The following SEC23A variants were observed in gnomAD, a reference collection of about 807,000 sequenced individuals.
SEC23A encodes SEC23 homolog A, COPII component.
In SEC23A, 56 loss-of-function variants were observed where a neutral mutation model predicts 103.7. That is an observed-to-expected ratio of 0.54 (90% CI 0.44 to 0.67). The LOEUF (loss-of-function observed/expected upper bound fraction) is 0.67, where lower values mean the gene tolerates loss of function less well. SEC23A is among the 30% of genes least tolerant of loss of function. The pLI is 0.00. For missense variants in SEC23A, 784 were observed against 936.4 expected, an observed-to-expected ratio of 0.84 and a Z score of 2.12; for synonymous variants, 281 against 293.0, an observed-to-expected ratio of 0.96 and a Z score of 0.42.
intron 9 of SEC23A, among the ~76,000 whole-genome samples, chr14:39,069,674 G>C (rs550293640): frequency 1.3e-5 from 2 of 151,930 alleles, no homozygotes; most frequent in African/African-American, 2.4e-5. Context: ...TGCCCAGACT[G>C]GTCTCAAACT....
intron 9 of SEC23A, among the ~76,000 whole-genome samples, chr14:39,070,528 A>G (rs1253935448): frequency 1.3e-5 from 2 of 152,222 alleles, no homozygotes; most frequent in African/African-American, 4.8e-5. Flanking sequence ...TGACCAAGTG[A>G]GATTCATCCC....
At chr14:39,042,973 T>C (rs1466351099) in intron 16 of SEC23A, 101 bp from the exon 17 acceptor site, 1 of 752,488 alleles carries the variant, frequency 1.3e-6, no homozygotes, top group Non-Finnish European at 2.2e-6. Flanking sequence ...TTTCTTTTAT[T>C]TATTTATTTA....
At chr14:39,094,318 G>A (rs1238303784) in intron 2 of SEC23A, among the ~76,000 whole-genome samples, 37 of 15,888 alleles carry the variant, frequency 2.3e-3, no homozygotes, top group Middle Eastern at 0.033. Context: ...ACATATATAT[G>A]CATATATACA....
chr14:39,033,231 T>A lies in SEC23A; in HGVS notation c.*8A>T, dbSNP rs371911904. ...ATCTTCTTAAGTGTCTTTAACATTA[T>A]TAGCACTTCAAGCAGCACTGGACAC... is the stretch of plus-strand genomic sequence containing the variant. On this transcript the variant is annotated 3_prime_UTR_variant, in exon 20 of 20. Transcript: ENST00000307712. 1 of 1,584,380 alleles carries A rather than the reference T, an allele frequency of 6.3e-7. No individual in the cohort carries two copies. The highest frequency in any genetic ancestry group is 1.3e-5 in the African/African-American group (1 of 74,302).
At chr14:39,086,089 C>G (rs1000796900) in intron 6 of SEC23A, among the ~76,000 whole-genome samples, 183 bp from the exon 7 acceptor site, 1 of 152,074 alleles carries the variant, frequency 6.6e-6, no homozygotes, top group Non-Finnish European at 1.5e-5. Context: ...ATTGCTAGGT[C>G]CCAGTTCTAG....
chr14:39,057,594 T>C (rs1339284921), intron 13 of SEC23A, among the ~76,000 whole-genome samples: 3 of 152,206 alleles, frequency 2.0e-5, no homozygotes, highest in Non-Finnish European at 4.4e-5. Flanking sequence ...CTCCAACTCC[T>C]GGACTCAAGT....
intron 19 of SEC23A, among the ~76,000 whole-genome samples, chr14:39,037,650 A>T (rs1885504040): frequency 6.6e-6 from 1 of 151,982 alleles, no homozygotes; most frequent in Admixed American, 6.6e-5. Context: ...CACCATTATC[A>T]CTCTCAAGAA....
intron 9 of SEC23A, among the ~76,000 whole-genome samples, chr14:39,072,345 T>G (rs1311747490): frequency 2.0e-5 from 3 of 151,690 alleles, no homozygotes; most frequent in African/African-American, 7.3e-5. Flanking sequence ...AAAAAGAAAA[T>G]CAATAGCCCA....
At chr14:39,078,765 G>A (rs1460552607) in intron 7 of SEC23A, among the ~76,000 whole-genome samples, 1 of 152,002 alleles carries the variant, frequency 6.6e-6, no homozygotes, top group Non-Finnish European at 1.5e-5. Context: ...AGAAATATGG[G>A]AAACAAAGCT....
At chr14:39,039,284 T>C (rs1311431309) in intron 18 of SEC23A, 188 bp from the exon 19 acceptor site, 1 of 564,602 alleles carries the variant, frequency 1.8e-6, no homozygotes, top group African/African-American at 2.4e-5. Context: ...AAATAATAAA[T>C]GCACCTCTTC....
chr14:39,088,234 G>A (rs1006758873), intron 5 of SEC23A: 3 of 152,058 alleles, frequency 2.0e-5, no homozygotes, highest in Non-Finnish European at 4.4e-5. Context: ...TCTAAATAGG[G>A]AAAGAAAATA....
chr14:39,072,868 C>T (rs536182182), intron 9 of SEC23A, among the ~76,000 whole-genome samples: 18 of 152,238 alleles, frequency 1.2e-4, no homozygotes, highest in African/African-American at 4.1e-4. Context: ...TGTGGAGAAA[C>T]TGGAATCCTC....
intron 16 of SEC23A, 42 bp from the exon 17 acceptor site, chr14:39,042,914 A>T: frequency 2.5e-6 from 3 of 1,191,450 alleles, no homozygotes; most frequent in Non-Finnish European, 3.8e-6. Context: ...AAAAGGAAAA[A>T]TAATCTACTC....
intron 9 of SEC23A, among the ~76,000 whole-genome samples, chr14:39,071,901 C>T (rs962702768): frequency 1.8e-4 from 28 of 151,840 alleles, no homozygotes; most frequent in Non-Finnish European, 3.2e-4. Flanking sequence ...TAGGTTTCAT[C>T]AAAATTTAAA....
chr14:39,045,078 A>T, intron 16 of SEC23A, 85 bp downstream of exon 16: 1 of 1,088,438 alleles, frequency 9.2e-7, no homozygotes, highest in Non-Finnish European at 1.4e-6. Context: ...TTTAGTAACT[A>T]TATGCATTTT....
chr14:39,062,855 G>A (rs115918203), intron 12 of SEC23A, among the ~76,000 whole-genome samples: 1,748 of 151,888 alleles, frequency 0.012, 45 homozygotes, highest in African/African-American at 0.039. Context: ...TATCTCCTGT[G>A]GCAGAAAAAA....
intron 7 of SEC23A, among the ~76,000 whole-genome samples, chr14:39,084,937 C>T (rs1887377141): frequency 6.6e-6 from 1 of 152,152 alleles, no homozygotes; most frequent in Admixed American, 6.5e-5. Context: ...TCCCAAAGTG[C>T]TGGGATTACA....
chr14:39,059,278 TAA>T (rs750853379), intron 13 of SEC23A, among the ~76,000 whole-genome samples: 2,036 of 71,064 alleles, frequency 0.029, 8 homozygotes, highest in South Asian at 0.077. Context: ...AGTCCTAGTT[TAA>T]AAAAAAAAAA....
chr14:39,052,095 G>A (rs1886084247), intron 14 of SEC23A, among the ~76,000 whole-genome samples: 1 of 152,098 alleles, frequency 6.6e-6, no homozygotes, highest in Non-Finnish European at 1.5e-5. Flanking sequence ...TTACAAGTGG[G>A]AGCTGACTGA....
Sources: allele counts gnomAD v4.1 joint callset (sites outside exome capture counted in the v4.1 genomes callset), GRCh38; gene constraint gnomAD v4.1.1; transcripts MANE v1.5; gene names NCBI Gene and HGNC (gene_info 2026-07-23, HGNC 2026-07-21).